Variants in POU3F3 observed in about 807,000 individuals in gnomAD.
The protein encoded by POU3F3 is POU domain, class 3, transcription factor 3.
Under a neutral mutation model 8.6 loss-of-function variants are expected in POU3F3, and 1 was observed. The observed-to-expected ratio is 0.12, with a 90% CI of 0.04 to 0.55. POU3F3 has a LOEUF of 0.55. Among genes scored for constraint, POU3F3 ranks in the 20% least tolerant of loss-of-function variants. The pLI is 0.91. For synonymous variants in POU3F3, 418 were observed against 327.4 expected (o/e 1.28, Z -2.99); for missense variants, 577 against 690.7 (o/e 0.84, Z 1.84).
the POU3F3 span, among the ~76,000 whole-genome samples, chr2:104,872,017 G>A: frequency 1.5e-4 from 23 of 151,996 alleles, no homozygotes; most frequent in Admixed American, 1.4e-3. The surrounding 1 kb of genome is among the most constrained non-coding windows in gnomAD (Gnocchi z 4.6). Flanking sequence ...CTGGGTTCTG[G>A]GGCTTTCGTG....
chr2:104,880,935 C>T, the POU3F3 span, among the ~76,000 whole-genome samples: 2 of 152,144 alleles, frequency 1.3e-5, no homozygotes, highest in Non-Finnish European at 2.9e-5. Context: ...CTCAACTTAT[C>T]GCCTCAATGC....
At chr2:104,874,393 G>C in the POU3F3 span, among the ~76,000 whole-genome samples, 8 of 152,206 alleles carry the variant, frequency 5.3e-5, no homozygotes, top group African/African-American at 1.7e-4. Context: ...AGAGCCAGTG[G>C]TCATGGGAGG....
chr2:104,895,869 A>T, the POU3F3 span, among the ~76,000 whole-genome samples: 1 of 152,196 alleles, frequency 6.6e-6, no homozygotes, highest in East Asian at 1.9e-4. Context: ...GAAGCATCTG[A>T]CCTGGAAGAC....
the POU3F3 span, among the ~76,000 whole-genome samples, chr2:104,882,809 T>C: frequency 6.6e-6 from 1 of 152,180 alleles, no homozygotes; most frequent in Non-Finnish European, 1.5e-5. Flanking sequence ...CCTTCCCACA[T>C]GATTATTTTC....
the POU3F3 span, among the ~76,000 whole-genome samples, chr2:104,895,611 A>G: frequency 6.6e-6 from 1 of 152,222 alleles, no homozygotes; most frequent in African/African-American, 2.4e-5. Flanking sequence ...ATCCAAACAC[A>G]GTGAAAAACA....
At chr2:104,859,199 C>A (rs558699628), downstream of POU3F3, among the ~76,000 whole-genome samples, 3 of 152,254 alleles carry the variant, frequency 2.0e-5, no homozygotes, top group East Asian at 5.8e-4. Context: ...ACACTGCATA[C>A]CATCTGTGCA....
the POU3F3 span, among the ~76,000 whole-genome samples, chr2:104,893,581 G>T: frequency 6.6e-6 from 1 of 152,196 alleles, no homozygotes; most frequent in Non-Finnish European, 1.5e-5. Flanking sequence ...CACTGAGTTG[G>T]ATGATGACTA....
the POU3F3 span, among the ~76,000 whole-genome samples, chr2:104,874,558 C>T: frequency 6.6e-6 from 1 of 152,128 alleles, no homozygotes; most frequent in African/African-American, 2.4e-5. Context: ...CCACAGCTGC[C>T]ATTGGCCCTG....
chr2:104,862,626 C>T (rs528374413), downstream of POU3F3, among the ~76,000 whole-genome samples: 12 of 152,248 alleles, frequency 7.9e-5, 1 homozygote, highest in South Asian at 2.5e-3. Context: ...CCGGCACGGC[C>T]GGGCGGCCAG....
chr2:104,916,482 C>G, the POU3F3 span, among the ~76,000 whole-genome samples: 2,445 of 152,274 alleles, frequency 0.016, 67 homozygotes, highest in African/African-American at 0.055. Flanking sequence ...TCAGCTGAGG[C>G]TCCATTTGTC....
the POU3F3 span, among the ~76,000 whole-genome samples, chr2:104,916,680 C>G: frequency 6.6e-6 from 1 of 152,158 alleles, no homozygotes; most frequent in Non-Finnish European, 1.5e-5. Context: ...CTCCCATATT[C>G]TAGCACAGCA....
downstream of POU3F3, among the ~76,000 whole-genome samples, chr2:104,861,812 T>C (rs1014070640): frequency 1.3e-5 from 2 of 152,120 alleles, no homozygotes; most frequent in Non-Finnish European, 2.9e-5. Context: ...TGTAGGTCGG[T>C]TGGTCATCTC....
the POU3F3 span, among the ~76,000 whole-genome samples, chr2:104,881,606 C>A: frequency 6.6e-6 from 1 of 152,190 alleles, no homozygotes; most frequent in Non-Finnish European, 1.5e-5. Flanking sequence ...GGTATTATTT[C>A]AAATTGGCTT....
At chr2:104,909,638 C>T in the POU3F3 span, among the ~76,000 whole-genome samples, 1 of 152,258 alleles carries the variant, frequency 6.6e-6, no homozygotes, top group African/African-American at 2.4e-5. Context: ...CCAGGTCAGG[C>T]TGCTTCCCAG....
the POU3F3 span, among the ~76,000 whole-genome samples, chr2:104,922,106 A>T: frequency 6.6e-6 from 1 of 152,210 alleles, no homozygotes; most frequent in Non-Finnish European, 1.5e-5. Flanking sequence ...TTTATACCTC[A>T]TGCTAATCCC....
the POU3F3 span, among the ~76,000 whole-genome samples, chr2:104,924,662 C>T: frequency 6.6e-6 from 1 of 152,206 alleles, no homozygotes; most frequent in Non-Finnish European, 1.5e-5. Context: ...ATTCATTTTC[C>T]ACTTTCAACT....
At chr2:104,924,189 A>T in the POU3F3 span, among the ~76,000 whole-genome samples, 6 of 152,224 alleles carry the variant, frequency 3.9e-5, no homozygotes, top group Admixed American at 3.3e-4. Context: ...CATGTTATTT[A>T]AAAAATCACT....
the POU3F3 span, among the ~76,000 whole-genome samples, chr2:104,877,265 A>G: frequency 4.3e-5 from 5 of 115,950 alleles, no homozygotes. Flanking sequence ...GCAATGGCTT[A>G]TTAAGTATAA....
the POU3F3 span, among the ~76,000 whole-genome samples, chr2:104,913,502 A>G: frequency 6.6e-6 from 1 of 152,304 alleles, no homozygotes; most frequent in South Asian, 2.1e-4. Flanking sequence ...TGTGTCTATC[A>G]GAGCTAAAAA....
Sources: gnomAD v4.1 joint callset for allele counts (sites outside exome capture counted in the v4.1 genomes callset) on GRCh38, gnomAD v4.1.1 for gene constraint, Gnocchi (gnomAD v3.1) non-coding constraint, MANE v1.5 for transcripts, NCBI Gene and HGNC (gene_info 2026-07-23, HGNC 2026-07-21) for gene names.